The following PCDHGA8 variants were observed in gnomAD, a reference collection of about 807,000 sequenced individuals.
PCDHGA8 encodes the protein protocadherin gamma subfamily A, 8.
Under a neutral mutation model 59.2 loss-of-function variants are expected in PCDHGA8, and 45 were observed. The observed-to-expected ratio is 0.76, with a 90% CI of 0.60 to 0.98. The LOEUF (loss-of-function observed/expected upper bound fraction) is 0.98, where lower values mean the gene tolerates loss of function less well. Ranked by LOEUF, PCDHGA8 falls within the 50% of genes least tolerant of loss-of-function variation. PCDHGA8 has a pLI of 0.00. For synonymous variants in PCDHGA8, 531 were observed against 519.0 expected (o/e 1.02, Z -0.32); for missense variants, 1,257 against 1,196.2 (o/e 1.05, Z -0.75).
chr5:141,415,249 G>A (rs756443082), intron 1 of PCDHGA8: 1 of 1,614,204 alleles, frequency 6.2e-7, no homozygotes, highest in South Asian at 1.1e-5. Context: ...TGAAACCTCA[G>A]ACCTCACTCT....
At position 141,511,187 on chromosome 5, in the gene PCDHGA8, C is replaced by T; in HGVS notation, c.*14C>T. The stretch of plus-strand genomic sequence containing the variant: ...GAGAAGAAGTAACATGGAGGCCAGG[C>T]CAAGAGCCACAGGGCGGCCTCTCCC... On this transcript the variant is annotated 3_prime_UTR_variant, in exon 4 of 4. Transcript: ENST00000398604. The T allele has an allele frequency of 1.2e-6, 2 of 1,613,868 alleles. No homozygotes were observed. The highest frequency in any genetic ancestry group is 1.7e-6 in the Non-Finnish European group (2 of 1,179,878).
At chr5:141,501,540 A>G (rs151047391) in intron 2 of PCDHGA8, among the ~76,000 whole-genome samples, 2 of 152,138 alleles carry the variant, frequency 1.3e-5, no homozygotes, top group East Asian at 3.9e-4. Flanking sequence ...GTTGTTGTGC[A>G]TAAGATCATA....
intron 1 of PCDHGA8, chr5:141,405,402 C>T: frequency 6.3e-7 from 1 of 1,589,724 alleles, no homozygotes; most frequent in Non-Finnish European, 8.6e-7. Flanking sequence ...TTCTTTCTTT[C>T]TTTTCTTTTT....
chr5:141,418,424 G>A lies in PCDHGA8; in HGVS notation c.2424+23187G>A, dbSNP rs1427064246. Reference sequence around the variant, plus strand: ...GGTGGAGAAAGACAATCCTGATGGTGGCAAATATCCAGAATTAGTATTGCA... The same window carrying A: ...GGTGGAGAAAGACAATCCTGATGGTAGCAAATATCCAGAATTAGTATTGCA... On this transcript the variant is annotated intron_variant, in intron 1 of 3. Coordinates refer to ENST00000398604, the MANE Select transcript of PCDHGA8 (RefSeq NM_032088.2). 1 of 1,613,974 alleles carries A rather than the reference G, an allele frequency of 6.2e-7. No individual in the cohort carries two copies. Among genetic ancestry groups the A allele is most frequent in the Non-Finnish European group, 8.5e-7 (1 of 1,179,872 alleles).
chr5:141,397,004 T>A (rs2150690904), intron 1 of PCDHGA8, among the ~76,000 whole-genome samples: 2 of 152,342 alleles, frequency 1.3e-5, no homozygotes, highest in African/African-American at 4.8e-5. Context: ...ATCTGACAAA[T>A]GGACTAAAGA....
chr5:141,394,133 G>T lies in PCDHGA8; in HGVS notation c.1320G>T (p.Leu440=). The T allele has an allele frequency of 6.2e-7, 1 of 1,613,920 alleles. No individual in the cohort carries two copies. Among genetic ancestry groups the T allele is most frequent in the Non-Finnish European group, 8.5e-7 (1 of 1,179,868 alleles). Residue 440 remains leucine (L), a synonymous_variant, in exon 1 of 4, where the codon CTG becomes CTT. Coordinates refer to ENST00000398604, the MANE Select transcript of PCDHGA8 (RefSeq NM_032088.2). The part of the protein sequence containing the change: ...PPLSTETQIA[L]HVADINDNPP... ...TGTCCACTGAAACTCAAATCGCTCT[G>T]CACGTGGCAGACATTAACGACAACC...
In PCDHGA8 at chr5:141,394,564, G is replaced by C. The variant is rs200338108; in HGVS notation, c.1751G>C (p.Arg584Pro). 4.7e-3 allele frequency: 7,544 copies of C among 1,612,816 alleles called. 48 individuals carry two copies. The highest frequency in any genetic ancestry group is 9.5e-3 in the Admixed American group (568 of 59,990). The change falls in exon 1 of 4, where the codon CGT becomes CCT. Residue 584 changes from arginine to proline, a missense_variant. Transcript: ENST00000398604. ...GVELAPRSAE[R>P]GYLVTKVVAV... Reference sequence around the variant, plus strand: ...GAGCTGGCGCCCCGCTCCGCAGAGCGTGGCTACCTGGTGACCAAGGTGGTG... The same window carrying C: ...GAGCTGGCGCCCCGCTCCGCAGAGCCTGGCTACCTGGTGACCAAGGTGGTG...
intron 1 of PCDHGA8, among the ~76,000 whole-genome samples, chr5:141,437,550 A>T (rs866913156): frequency 6.6e-6 from 1 of 152,192 alleles, no homozygotes; most frequent in African/African-American, 2.4e-5. Context: ...AGTTTTCTTT[A>T]TGACATGTAA....
At chr5:141,420,945 G>C in intron 1 of PCDHGA8, 1 of 396,520 alleles carries the variant, frequency 2.5e-6, no homozygotes, top group South Asian at 5.1e-5. Flanking sequence ...ATTTCTTCTG[G>C]AATTTCTTAG....
chr5:141,459,939 G>A (rs377668643), intron 1 of PCDHGA8, among the ~76,000 whole-genome samples: 7 of 152,256 alleles, frequency 4.6e-5, no homozygotes, highest in Non-Finnish European at 7.4e-5. Flanking sequence ...GTAGCTGGGC[G>A]TGATGGCAGG....
chr5:141,498,971 G>GGGAA (rs201769957), intron 2 of PCDHGA8, among the ~76,000 whole-genome samples: 8,226 of 110,874 alleles, frequency 0.074, 335 homozygotes, highest in Middle Eastern at 0.11. Flanking sequence ...GAGGGAGGGA[G>GGGAA]GGAAGGAAGG....
At chr5:141,423,277 A>G (rs749771302) in intron 1 of PCDHGA8, 4 of 1,613,988 alleles carry the variant, frequency 2.5e-6, no homozygotes, top group Non-Finnish European at 8.5e-7. Flanking sequence ...GTCTCTGGCT[A>G]ACTCTGAAAC....
chr5:141,478,376 C>T, intron 1 of PCDHGA8: 4 of 1,613,672 alleles, frequency 2.5e-6, no homozygotes, highest in Non-Finnish European at 3.4e-6. Flanking sequence ...CCTGATGTCG[C>T]CGCACCTTTA....
rs756094875 is a variant in PCDHGA8 at position 141,419,594 on chromosome 5, C to T, written c.2424+24357C>T. 2.6e-5 allele frequency: 42 copies of T among 1,611,572 alleles called. No homozygotes were observed. Among genetic ancestry groups the T allele is most frequent in the Admixed American group, 3.3e-5 (2 of 59,964 alleles). ...CGGCTCCGCGCTCTTCGACACAGTG[C>T]CGCGGGCCGCGCAGCCAGGCTACCT... On this transcript the variant is annotated intron_variant, in intron 1 of 3. Transcript: ENST00000398604.
At chr5:141,424,491 G>T (rs2096824224) in intron 1 of PCDHGA8, 1 of 152,122 alleles carries the variant, frequency 6.6e-6, no homozygotes, top group South Asian at 2.1e-4. Context: ...GTCTGTGTTT[G>T]TATGTATGGA....
At chr5:141,415,014 C>G (rs747951360) in intron 1 of PCDHGA8, 1 of 1,613,502 alleles carries the variant, frequency 6.2e-7, no homozygotes, top group African/African-American at 1.3e-5. Flanking sequence ...ACCGTCTGCT[C>G]AAGGCCAGCG....
chr5:141,486,816 C>G lies in PCDHGA8; in HGVS notation c.2425-7991C>G. The G allele has an allele frequency of 6.2e-7, 1 of 1,614,252 alleles. No individual in the cohort carries two copies. Among genetic ancestry groups the G allele is most frequent in the East Asian group, 2.2e-5 (1 of 44,884 alleles). ...CGGGGCAACCCACCCCTTAGCAGCACTGTAACAGTTCGTCTATTTGTGCTG... is the reference window on the plus strand; with the variant it reads ...CGGGGCAACCCACCCCTTAGCAGCAGTGTAACAGTTCGTCTATTTGTGCTG... On this transcript the variant is annotated intron_variant, in intron 1 of 3. Coordinates refer to ENST00000398604, the MANE Select transcript of PCDHGA8 (RefSeq NM_032088.2). The surrounding 1 kb of genome is among the most constrained non-coding windows in gnomAD (Gnocchi z 5.0).
In PCDHGA8 at chr5:141,485,068, T is replaced by C; in HGVS notation, c.2425-9739T>C. On this transcript the variant is annotated intron_variant, in intron 1 of 3. Transcript: ENST00000398604. The surrounding 1 kb of genome is among the most constrained non-coding windows in gnomAD (Gnocchi z 5.7). ...GGCGCCGGCCGAACCGCGCCAGAGCTGGCGCGGGGAAAGGGAGATAGGTGT... is the reference window on the plus strand; with the variant it reads ...GGCGCCGGCCGAACCGCGCCAGAGCCGGCGCGGGGAAAGGGAGATAGGTGT... 1 of 896,972 alleles carries C rather than the reference T, an allele frequency of 1.1e-6. No homozygotes were observed. The highest frequency in any genetic ancestry group is 1.6e-5 in the South Asian group (1 of 61,812). The allele number at this position is 896,972 out of a possible 1,614,324, so 55.6% of individuals were successfully genotyped here. A position where few individuals can be genotyped will look rare whatever the true frequency, so the allele number is the denominator to read the frequency against.
At position 141,432,289 on chromosome 5, in the gene PCDHGA8, C is replaced by A. The variant is rs762278053; in HGVS notation, c.2424+37052C>A. 2 of 1,614,148 alleles carry A rather than the reference C, an allele frequency of 1.2e-6. No individual in the cohort carries two copies. Among genetic ancestry groups the A allele is most frequent in the African/African-American group, 2.7e-5 (2 of 74,952 alleles). On this transcript the variant is annotated intron_variant, in intron 1 of 3. Coordinates refer to ENST00000398604, the MANE Select transcript of PCDHGA8 (RefSeq NM_032088.2). The surrounding 1 kb of genome is among the most constrained non-coding windows in gnomAD (Gnocchi z 6.0). ...CGTCCTACGTGTCCATCAACTCCGA[C>A]ACTGGGGTACTGTATGCGCTGAGCT...
Sources: gnomAD v4.1 joint callset for allele counts (sites outside exome capture counted in the v4.1 genomes callset) on GRCh38, gnomAD v4.1.1 for gene constraint, Gnocchi (gnomAD v3.1) non-coding constraint, MANE v1.5 for transcripts, NCBI Gene and HGNC (gene_info 2026-07-23, HGNC 2026-07-21) for gene names.